PCDHA6: variants seen among roughly 807,000 people sequenced by gnomAD.
The protein encoded by PCDHA6 is protocadherin alpha 6.
PCDHA6 carries 55 observed loss-of-function variants against 60.3 expected under a neutral mutation model. That is an observed-to-expected ratio of 0.91 (90% CI 0.73 to 1.14). PCDHA6 has a LOEUF of 1.14. PCDHA6 is among the 50% of genes most tolerant of loss of function. The probability of loss-of-function intolerance (pLI) is 0.00; values close to 1 mark genes in which losing one functional copy is unlikely to be tolerated. For missense variants in PCDHA6, 1,327 were observed against 1,256.5 expected, an observed-to-expected ratio of 1.06 and a Z score of -0.85; for synonymous variants, 652 against 557.9, an observed-to-expected ratio of 1.17 and a Z score of -2.38.
At chr5:140,852,972 G>T (rs530736735) in intron 1 of PCDHA6, 1 of 376,636 alleles carries the variant, frequency 2.7e-6, no homozygotes, top group Non-Finnish European at 3.8e-6. Context: ...TCCCCCTCCC[G>T]TGTTCACGCC....
intron 1 of PCDHA6, among the ~76,000 whole-genome samples, chr5:140,917,329 G>C (rs543216216): frequency 3.5e-5 from 5 of 143,930 alleles, no homozygotes; most frequent in South Asian, 2.2e-4. Flanking sequence ...TGTGGCGGGG[G>C]AGGGGGGGGA....
intron 1 of PCDHA6, among the ~76,000 whole-genome samples, chr5:140,951,209 A>C (rs1302279809): frequency 6.6e-6 from 1 of 151,904 alleles, no homozygotes; most frequent in Non-Finnish European, 1.5e-5. Context: ...GTGTCATCTC[A>C]GGTTTGGATT....
chr5:140,977,750 G>A (rs2096773664), intron 1 of PCDHA6, among the ~76,000 whole-genome samples: 1 of 152,142 alleles, frequency 6.6e-6, no homozygotes, highest in South Asian at 2.1e-4. Context: ...GAAGAAATGT[G>A]TTTATTAAAT....
rs2150364854 is a variant in PCDHA6, at chr5:140,843,675, T to C, written c.2394+13190T>C. ...CCTCCTGATCTGGGATCAGTTGATGTAGGCGAAGAGCAAGATTTAAATGTT... is the reference window on the plus strand; with the variant it reads ...CCTCCTGATCTGGGATCAGTTGATGCAGGCGAAGAGCAAGATTTAAATGTT... On this transcript the variant is annotated intron_variant, in intron 1 of 3. Transcript: ENST00000529310. 4.1e-5 allele frequency: 65 copies of C among 1,591,382 alleles called. 8 individuals are homozygous for C. The highest frequency in any genetic ancestry group is 5.5e-5 in the Non-Finnish European group (64 of 1,161,214).
At chr5:140,857,106 C>A (rs2044362842) in intron 1 of PCDHA6, 2 of 1,597,856 alleles carry the variant, frequency 1.3e-6, no homozygotes, top group African/African-American at 2.7e-5. Context: ...ATTGTCACTT[C>A]TCTGTCTCTC....
intron 1 of PCDHA6, among the ~76,000 whole-genome samples, chr5:140,900,333 C>T (rs10071692): frequency 3.3e-5 from 5 of 151,856 alleles, no homozygotes; most frequent in Admixed American, 6.6e-5. Flanking sequence ...GCTGGAGTAC[C>T]GTGGCGCAAT....
At chr5:140,920,381 A>G (rs887594411) in intron 1 of PCDHA6, among the ~76,000 whole-genome samples, 1 of 152,164 alleles carries the variant, frequency 6.6e-6, no homozygotes, top group Non-Finnish European at 1.5e-5. Flanking sequence ...GTGGATTCAT[A>G]TTACCATCTG....
At chr5:140,929,038 C>T in intron 1 of PCDHA6, 2 of 1,614,158 alleles carry the variant, frequency 1.2e-6, no homozygotes, top group South Asian at 1.1e-5. Context: ...CTGTTGCGCT[C>T]AGAGCTGCTG....
chr5:140,849,578 G>A (rs2150441176), intron 1 of PCDHA6: 2 of 1,598,680 alleles, frequency 1.3e-6, no homozygotes, highest in East Asian at 2.2e-5. Flanking sequence ...CTGTAAAAGA[G>A]GACGCACAAC....
intron 1 of PCDHA6, among the ~76,000 whole-genome samples, chr5:140,943,307 T>C (rs1554215574): frequency 6.7e-6 from 1 of 149,570 alleles, no homozygotes; most frequent in Non-Finnish European, 1.5e-5. Flanking sequence ...TGGGAAGTCA[T>C]TATTAGCAAT....
At chr5:140,875,780 G>C in intron 1 of PCDHA6, 3 of 1,614,128 alleles carry the variant, frequency 1.9e-6, no homozygotes, top group Admixed American at 3.3e-5. Flanking sequence ...GCGGAGTGCA[G>C]TATCCACCTG....
At chr5:140,917,519 T>C (rs1554198226) in intron 1 of PCDHA6, among the ~76,000 whole-genome samples, 1 of 152,256 alleles carries the variant, frequency 6.6e-6, no homozygotes, top group East Asian at 1.9e-4. Context: ...GGTTTTATTC[T>C]ACGGTTTGTA....
At chr5:140,953,530 C>T (rs923959885) in intron 1 of PCDHA6, among the ~76,000 whole-genome samples, 3 of 152,158 alleles carry the variant, frequency 2.0e-5, no homozygotes, top group Admixed American at 6.5e-5. Context: ...ACGGGAAACT[C>T]ACTTCATGCT....
At chr5:140,924,987 TC>T (rs1458982480) in intron 1 of PCDHA6, among the ~76,000 whole-genome samples, 4 of 151,232 alleles carry the variant, frequency 2.6e-5, no homozygotes, top group Admixed American at 6.6e-5. Context: ...ATGTCTGTAA[TC>T]CTAGCACTTT....
rs2150168086 is a variant in PCDHA6, at chr5:140,829,446, C to T, written c.1355C>T (p.Ala452Val). The change falls in exon 1 of 4, where the codon GCT becomes GTT. Residue 452 changes from alanine (A) to valine (V), a missense_variant. By Grantham distance (64) the Ala-to-Val change is moderately conservative (BLOSUM62 0). Transcript: ENST00000529310. ...GAGGTGGCCGACATGAATGACAATG[C>T]TCCGGCGTTCGCGCAGCCCGAGTAC... ...SVEVADMNDNAPAFAQPEYTV... is the reference protein window; with the variant it reads ...SVEVADMNDNVPAFAQPEYTV... 58 of 1,613,896 alleles carry T rather than the reference C, an allele frequency of 3.6e-5. No homozygotes were observed. The highest frequency in any genetic ancestry group is 4.7e-5 in the Non-Finnish European group (55 of 1,180,052).
At chr5:140,875,647 C>T (rs1554167823) in intron 1 of PCDHA6, 1 of 1,613,694 alleles carries the variant, frequency 6.2e-7, no homozygotes, top group Non-Finnish European at 8.5e-7. Context: ...GCTGGCGGAG[C>T]TGGTGCCGCG....
intron 1 of PCDHA6, chr5:140,860,693 G>C (rs2046523245): frequency 6.6e-6 from 1 of 152,204 alleles, no homozygotes; most frequent in Non-Finnish European, 1.5e-5. Context: ...TTGAGCGACA[G>C]GATATTGTTG....
At chr5:140,879,047 A>G (rs931436432) in intron 1 of PCDHA6, among the ~76,000 whole-genome samples, 1 of 152,238 alleles carries the variant, frequency 6.6e-6, no homozygotes, top group African/African-American at 2.4e-5. Flanking sequence ...AAAGATAGAC[A>G]ACATTTTACC....
chr5:140,853,897 G>T lies in PCDHA6; in HGVS notation c.2394+23412G>T, dbSNP rs1222195078. Reference sequence around the variant, plus strand: ...AGTTTCTGTAATTTAAAAAGATGTGGTGGCCTGACACCTGCAATCCCAACA... The same window carrying T: ...AGTTTCTGTAATTTAAAAAGATGTGTTGGCCTGACACCTGCAATCCCAACA... On this transcript the variant is annotated intron_variant, in intron 1 of 3. Coordinates refer to ENST00000529310, the MANE Select transcript of PCDHA6 (RefSeq NM_018909.4). 24 of 967,496 alleles carry T rather than the reference G, an allele frequency of 2.5e-5. 1 individual carries two copies. In the African/African-American group the frequency reaches 4.3e-4, roughly 17 times the overall value. The allele number at this position is 967,496 out of a possible 1,614,324, so 59.9% of individuals were successfully genotyped here.
Sources: allele counts gnomAD v4.1 joint callset (sites outside exome capture counted in the v4.1 genomes callset), GRCh38; gene constraint gnomAD v4.1.1; transcripts MANE v1.5; gene names NCBI Gene and HGNC (gene_info 2026-07-23, HGNC 2026-07-21).